Variants in MAP2K5 observed in about 807,000 individuals in gnomAD.
The protein encoded by MAP2K5 is mitogen-activated protein kinase kinase 5, also known as dual specificity mitogen-activated protein kinase kinase 5.
Under a neutral mutation model 83.1 loss-of-function variants are expected in MAP2K5, and 49 were observed. The ratio of observed to expected loss-of-function variants is 0.59; its 90% CI spans 0.47 to 0.75. The LOEUF is 0.75. Ranked by LOEUF, MAP2K5 falls within the 30% of genes least tolerant of loss-of-function variation. The pLI is 0.00. For synonymous variants in MAP2K5, 202 were observed against 191.8 expected (o/e 1.05, Z -0.44); for missense variants, 457 against 557.5 (o/e 0.82, Z 1.82).
At chr15:67,626,095 C>T (rs2086314162) in intron 8 of MAP2K5, among the ~76,000 whole-genome samples, 2 of 151,784 alleles carry the variant, frequency 1.3e-5, no homozygotes. Context: ...ATTAGTGATT[C>T]GAATATATAA....
rs2088895882 is a variant in MAP2K5 at position 67,719,144 on chromosome 15, C to A, written c.1045-8772C>A. Among the ~76,000 whole-genome samples the A allele has an allele frequency of 1.3e-5, 2 of 152,148 alleles. No individual in the cohort carries two copies. Reference sequence around the variant, plus strand: ...TAATTCTAATCTTTTTCTTCCTTGGCAACCTTTTAATCTTTAATAAGAAAT... The same window carrying A: ...TAATTCTAATCTTTTTCTTCCTTGGAAACCTTTTAATCTTTAATAAGAAAT... On this transcript the variant is annotated intron_variant, in intron 16 of 21. Coordinates refer to ENST00000178640, the MANE Select transcript of MAP2K5 (RefSeq NM_145160.3). The surrounding 1 kb of genome is among the most constrained non-coding windows in gnomAD (Gnocchi z 4.6).
intron 16 of MAP2K5, among the ~76,000 whole-genome samples, chr15:67,706,936 G>A (rs1463512400): frequency 1.3e-5 from 2 of 152,188 alleles, no homozygotes; most frequent in African/African-American, 4.8e-5. Flanking sequence ...TTCTTTTTGA[G>A]ACGGAGTCTT....
intron 8 of MAP2K5, chr15:67,628,193 T>C (rs4558368): frequency 0.99 from 934,625 of 940,044 alleles, 464,813 homozygotes; most frequent in East Asian, 1. Context: ...TTAAAGAAGA[T>C]ACTGAAGGCT....
chr15:67,571,694 G>T (rs745695340), intron 3 of MAP2K5, among the ~76,000 whole-genome samples: 4 of 151,902 alleles, frequency 2.6e-5, no homozygotes, highest in African/African-American at 7.3e-5. Flanking sequence ...AGCAAGGCAG[G>T]TTTTTTCCCC....
At chr15:67,756,801 T>C (rs1200007760) in intron 19 of MAP2K5, among the ~76,000 whole-genome samples, 2 of 152,150 alleles carry the variant, frequency 1.3e-5, no homozygotes, top group African/African-American at 4.8e-5. Context: ...TGTTTCTGTG[T>C]CTGACTTACT....
intron 16 of MAP2K5, among the ~76,000 whole-genome samples, chr15:67,709,893 T>G (rs1437142592): frequency 6.6e-6 from 1 of 152,226 alleles, no homozygotes; most frequent in African/African-American, 2.4e-5. Context: ...CCTGTAATAT[T>G]CTTATTTTCA....
rs888793036 is a variant in MAP2K5, at chr15:67,708,160, AT to A, written c.1044+4762del. On this transcript the variant is annotated intron_variant, in intron 16 of 21. Coordinates refer to ENST00000178640, the MANE Select transcript of MAP2K5 (RefSeq NM_145160.3). The surrounding 1 kb of genome is among the most constrained non-coding windows in gnomAD (Gnocchi z 4.9). Reference sequence around the variant, plus strand: ...GCAAGACTCCATCTCTAAAAAAACAATTTTTTTTTTCATTTAGCCAGGAATG... The same window carrying A: ...GCAAGACTCCATCTCTAAAAAAACAATTTTTTTTTCATTTAGCCAGGAATG... Among the ~76,000 whole-genome samples, 7 of 149,842 alleles carry A rather than the reference AT, an allele frequency of 4.7e-5. No homozygotes were observed. Among genetic ancestry groups the A allele is most frequent in the African/African-American group, 1.2e-4 (5 of 40,728 alleles).
In MAP2K5 at chr15:67,666,580, C is replaced by G. The variant is rs562197076; in HGVS notation, c.847+1935C>G. ...TCAGAAGCCAGTAGGTCCTTCTTTTCATCCCTGGTTGCAACTTGGGCTAAG... is the reference window on the plus strand; with the variant it reads ...TCAGAAGCCAGTAGGTCCTTCTTTTGATCCCTGGTTGCAACTTGGGCTAAG... On this transcript the variant is annotated intron_variant, in intron 13 of 21. Coordinates refer to ENST00000178640, the MANE Select transcript of MAP2K5 (RefSeq NM_145160.3). Among the ~76,000 whole-genome samples the G allele has an allele frequency of 5.3e-5, 8 of 152,284 alleles. No homozygotes were observed. In the South Asian group the frequency reaches 1.7e-3, roughly 32 times the overall value.
rs1469272437 is a variant in MAP2K5 at position 67,572,199 on chromosome 15, G to C, written c.253-8555G>C. ...AGAACAGTGTGTTTAAAGAATGCCTGGTGAGTCAGTAGGAGCTGCCTGTGA... is the reference window on the plus strand; with the variant it reads ...AGAACAGTGTGTTTAAAGAATGCCTCGTGAGTCAGTAGGAGCTGCCTGTGA... On this transcript the variant is annotated intron_variant, in intron 3 of 21. Transcript: ENST00000178640. The surrounding 1 kb of genome is among the most constrained non-coding windows in gnomAD (Gnocchi z 4.2). Among the ~76,000 whole-genome samples, 3 of 152,160 alleles carry C rather than the reference G, an allele frequency of 2.0e-5. No individual in the cohort carries two copies. The highest frequency in any genetic ancestry group is 4.4e-5 in the Non-Finnish European group (3 of 68,030).
chr15:67,768,853 A>T lies in MAP2K5; in HGVS notation c.1135-749A>T, dbSNP rs1465123295. On this transcript the variant is annotated intron_variant, in intron 19 of 21. Transcript: ENST00000178640. The surrounding 1 kb of genome is among the most constrained non-coding windows in gnomAD (Gnocchi z 4.0). ...CTTGGAAAAACTCCTAAATTCTTAA[A>T]GCCTTCCTTTGCAAACGGTAATGGG... 1.3e-5 allele frequency among the ~76,000 whole-genome samples: 2 copies of T among 152,164 alleles called. No homozygotes were observed. The highest frequency in any genetic ancestry group is 4.8e-5 in the African/African-American group (2 of 41,446).
intron 11 of MAP2K5, 123 bp from the exon 12 acceptor site, chr15:67,658,430 T>C: frequency 1.4e-6 from 1 of 723,422 alleles, no homozygotes; most frequent in Admixed American, 2.2e-5. Flanking sequence ...AGTTTTATAC[T>C]ACACATCCAA....
intron 13 of MAP2K5, among the ~76,000 whole-genome samples, chr15:67,678,391 A>G (rs1011157224): frequency 2.6e-5 from 4 of 152,174 alleles, no homozygotes; most frequent in Admixed American, 6.5e-5. Context: ...TTCTGCCTCC[A>G]TTGTCATCCC....
At chr15:67,633,994 T>G (rs144077569) in intron 9 of MAP2K5, among the ~76,000 whole-genome samples, 128 of 152,248 alleles carry the variant, frequency 8.4e-4, no homozygotes, top group African/African-American at 3.0e-3. Context: ...TTCCTATAAC[T>G]TAAATTGTTT....
intron 1 of MAP2K5, among the ~76,000 whole-genome samples, chr15:67,547,176 T>A (rs2084409387): frequency 6.6e-6 from 1 of 152,122 alleles, no homozygotes; most frequent in Non-Finnish European, 1.5e-5. Flanking sequence ...ATTGGCTGTT[T>A]ATGTCTTTTG....
intron 16 of MAP2K5, among the ~76,000 whole-genome samples, chr15:67,709,184 C>T (rs1016937710): frequency 8.5e-5 from 13 of 152,104 alleles, no homozygotes; most frequent in African/African-American, 3.1e-4. Context: ...AGGTCATTGC[C>T]ACATATGGGA....
intron 9 of MAP2K5, among the ~76,000 whole-genome samples, chr15:67,645,218 C>T (rs1416064362): frequency 6.6e-6 from 1 of 151,078 alleles, no homozygotes; most frequent in Non-Finnish European, 1.5e-5. Flanking sequence ...TGGCTCATGC[C>T]TGTAATCCCA....
chr15:67,643,199 C>CT (rs1336408628), intron 9 of MAP2K5, among the ~76,000 whole-genome samples: 1 of 151,974 alleles, frequency 6.6e-6, no homozygotes, highest in Admixed American at 6.6e-5. Flanking sequence ...TTTTATCAGA[C>CT]TTTTTTAGAG....
chr15:67,802,923 C>T lies in MAP2K5; in HGVS notation c.1243-3723C>T, dbSNP rs1171564604. Among the ~76,000 whole-genome samples the T allele has an allele frequency of 2.0e-5, 3 of 152,210 alleles. No individual in the cohort carries two copies. The highest frequency in any genetic ancestry group is 6.5e-5 in the Admixed American group (1 of 15,284). ...AGGGGCTGGAGACTGCAAGGAGCCT[C>T]GAGGTTGGCTGTCTGATTGCAGGCA... is the stretch of plus-strand genomic sequence containing the variant. On this transcript the variant is annotated intron_variant, in intron 21 of 21. Transcript: ENST00000178640. This position sits in a 1 kb window ranked among gnomAD's most constrained non-coding sequence, Gnocchi z 5.0.
chr15:67,713,360 A>G (rs927472950), intron 16 of MAP2K5, among the ~76,000 whole-genome samples: 8 of 152,386 alleles, frequency 5.2e-5, no homozygotes, highest in Non-Finnish European at 7.3e-5. Flanking sequence ...TTAGATATCA[A>G]GAAAATGAAT....
Sources: gnomAD v4.1 joint callset for allele counts (sites outside exome capture counted in the v4.1 genomes callset) on GRCh38, gnomAD v4.1.1 for gene constraint, Gnocchi (gnomAD v3.1) non-coding constraint, MANE v1.5 for transcripts, NCBI Gene and HGNC (gene_info 2026-07-23, HGNC 2026-07-21) for gene names.